SHC3: variants seen among roughly 807,000 people sequenced by gnomAD.
SHC3 encodes SHC adaptor protein 3, also known as SHC-transforming protein 3.
SHC3 carries 15 observed loss-of-function variants against 60.4 expected under a neutral mutation model. The ratio of observed to expected loss-of-function variants is 0.25; its 90% confidence interval spans 0.17 to 0.38. The LOEUF is 0.38. Ranked by LOEUF, SHC3 falls within the 10% of genes least tolerant of loss-of-function variation. The probability of loss-of-function intolerance (pLI) is 1.00; values close to 1 mark genes in which losing one functional copy is unlikely to be tolerated. For missense variants in SHC3, 677 were observed against 786.1 expected (o/e 0.86, Z 1.66); for synonymous variants, 294 against 325.9 (o/e 0.90, Z 1.05).
At chr9:89,078,900 T>G (rs997292190) in intron 2 of SHC3, among the ~76,000 whole-genome samples, 20 of 152,226 alleles carry the variant, frequency 1.3e-4, no homozygotes, top group African/African-American at 4.6e-4. Flanking sequence ...AGAAACATTC[T>G]ATAAACTTTC....
intron 2 of SHC3, among the ~76,000 whole-genome samples, chr9:89,084,594 G>A (rs1825498621): frequency 1.3e-5 from 2 of 152,342 alleles, no homozygotes; most frequent in South Asian, 2.1e-4. Context: ...TCACTGGACA[G>A]ATCAGAGACT....
In SHC3 at chr9:89,008,503, G is replaced by A. The variant is rs1320574685; in HGVS notation, c.*4944C>T. ...CCCCACTCCAGACCTAGGGAGTCAG[G>A]AACTTGGCGGGGCCAGGGGGGTGGA... On this transcript the variant is annotated 3_prime_UTR_variant, in exon 12 of 12. Transcript: ENST00000375835. 3 of 152,146 alleles carry A rather than the reference G, an allele frequency of 2.0e-5. No homozygotes were observed. Among genetic ancestry groups the A allele is most frequent in the Non-Finnish European group, 2.9e-5 (2 of 68,036 alleles). 9.4% of individuals were successfully genotyped at this position (152,146 alleles called of 1,614,324 possible). A position where few individuals can be genotyped will look rare whatever the true frequency, so the allele number is the denominator to read the frequency against.
chr9:89,064,733 T>C (rs1269506459), intron 6 of SHC3, among the ~76,000 whole-genome samples: 11 of 152,086 alleles, frequency 7.2e-5, no homozygotes, highest in African/African-American at 4.8e-5. Flanking sequence ...AGGTATAGCA[T>C]TGGAGGGTAA....
At chr9:89,067,530 G>T (rs1378377654) in intron 5 of SHC3, among the ~76,000 whole-genome samples, 1 of 152,168 alleles carries the variant, frequency 6.6e-6, no homozygotes, top group African/African-American at 2.4e-5. Flanking sequence ...GGTTTTCAAA[G>T]AATTAGAAAG....
intron 1 of SHC3, among the ~76,000 whole-genome samples, chr9:89,166,046 C>T (rs12343625): frequency 0.098 from 14,990 of 152,222 alleles, 861 homozygotes; most frequent in Admixed American, 0.15. Context: ...CCTCACACCC[C>T]GTCTGGTTCC....
chr9:89,053,472 G>A lies in SHC3; in HGVS notation c.836-1309C>T, dbSNP rs41509545. Among the ~76,000 whole-genome samples the A allele has an allele frequency of 5.4e-3, 829 of 152,256 alleles. 6 individuals carry two copies. Among genetic ancestry groups the A allele is most frequent in the African/African-American group, 0.019 (790 of 41,556 alleles). On this transcript the variant is annotated intron_variant, in intron 6 of 11. Coordinates refer to ENST00000375835, the MANE Select transcript of SHC3 (RefSeq NM_016848.6). ...AGTGTGGAGCCTCTCAGCATAATAC[G>A]GCACTGGGACTTTACCCCGGAGGCA...
intron 1 of SHC3, among the ~76,000 whole-genome samples, chr9:89,152,393 T>C (rs1826557779): frequency 6.6e-6 from 1 of 152,232 alleles, no homozygotes. Context: ...TCAAGCAAAA[T>C]TCTGCTCCAG....
Position 89,112,696 on chromosome 9 carries a change from A to C in SHC3, c.475-70T>G, listed in dbSNP as rs1444286094. 2.1e-6 allele frequency: 3 copies of C among 1,398,920 alleles called. No homozygotes were observed. In the African/African-American group the frequency reaches 4.5e-5, roughly 21 times the overall value. The allele number at this position is 1,398,920 out of a possible 1,614,324, so 86.7% of individuals were successfully genotyped here. A position where few individuals can be genotyped will look rare whatever the true frequency, so the allele number is the denominator to read the frequency against. ...TAAAGAGACAACTCCTAACTATACA[A>C]GGGCATTTTTGGGAGCCATACACAT... On this transcript the variant is annotated intron_variant, in intron 1 of 11. Transcript: ENST00000375835.
At chr9:89,155,088 A>T (rs1826603319) in intron 1 of SHC3, among the ~76,000 whole-genome samples, 1 of 152,162 alleles carries the variant, frequency 6.6e-6, no homozygotes, top group African/African-American at 2.4e-5. Flanking sequence ...CACCCCACAA[A>T]AAAGACTGCT....
chr9:89,036,465 G>C (rs1824579866), intron 11 of SHC3, among the ~76,000 whole-genome samples: 1 of 152,188 alleles, frequency 6.6e-6, no homozygotes, highest in East Asian at 1.9e-4. Flanking sequence ...CGTGTACCCT[G>C]TGACCAAAAC....
At chr9:89,026,193 G>T (rs1412166206) in intron 11 of SHC3, among the ~76,000 whole-genome samples, 2 of 146,650 alleles carry the variant, frequency 1.4e-5, no homozygotes, top group Admixed American at 1.4e-4. Flanking sequence ...GGTGGAGGTT[G>T]CAGTGAGCTG....
intron 11 of SHC3, among the ~76,000 whole-genome samples, chr9:89,020,249 G>A (rs1826176302): frequency 6.6e-6 from 1 of 151,832 alleles, no homozygotes; most frequent in Non-Finnish European, 1.5e-5. Flanking sequence ...GTGAAAGAGG[G>A]AGAGGTGACA....
intron 6 of SHC3, among the ~76,000 whole-genome samples, chr9:89,059,617 GGTGGTGGAGGAC>G (rs1157544930): frequency 5.0e-5 from 7 of 140,202 alleles, no homozygotes; most frequent in Admixed American, 7.1e-5. Flanking sequence ...GGTGCAGGGC[GGTGGTGGAGGAC>G]GTGGTGGAGG....
intron 10 of SHC3, among the ~76,000 whole-genome samples, chr9:89,040,077 G>T (rs1824651854): frequency 7.8e-6 from 1 of 128,500 alleles, no homozygotes. Context: ...CACCACCTTT[G>T]CCACCAGCAC....
intron 1 of SHC3, among the ~76,000 whole-genome samples, chr9:89,140,343 C>G (rs571665157): frequency 7.9e-5 from 12 of 152,106 alleles, no homozygotes; most frequent in Middle Eastern, 3.4e-3. Context: ...ATTCCCCCCC[C>G]CAGATTAAGG....
chr9:89,135,946 C>T (rs1826312710), intron 1 of SHC3, among the ~76,000 whole-genome samples: 1 of 152,090 alleles, frequency 6.6e-6, no homozygotes, highest in African/African-American at 2.4e-5. Context: ...ATATTGCTGT[C>T]GTACTCCTTG....
intron 2 of SHC3, among the ~76,000 whole-genome samples, chr9:89,089,446 A>G (rs1263266243): frequency 6.6e-6 from 1 of 152,140 alleles, no homozygotes; most frequent in East Asian, 1.9e-4. Context: ...CCTGGGGCAG[A>G]GTGTCCAGCT....
At chr9:89,130,735 A>T (rs1826232443) in intron 1 of SHC3, among the ~76,000 whole-genome samples, 1 of 152,234 alleles carries the variant, frequency 6.6e-6, no homozygotes. Context: ...AAGACGCAAC[A>T]TACCAGAATC....
At position 89,013,141 on chromosome 9, in the gene SHC3, C is replaced by CTT. The variant is rs143714581; in HGVS notation, c.*304_*305dup. On this transcript the variant is annotated 3_prime_UTR_variant, in exon 12 of 12. Transcript: ENST00000375835. ...TTTTGCCTGGACAACTACAGTTAAA[C>CTT]TTATTTTTTTTTTTCATTAAAAACA... 1,455 of 168,252 alleles carry CTT rather than the reference C, an allele frequency of 8.6e-3. 29 individuals are homozygous for CTT. The East Asian group carries it at 0.089, about 10-fold the overall frequency. The allele number at this position is 168,252 out of a possible 1,614,324, so 10.4% of individuals were successfully genotyped here. A position where few individuals can be genotyped will look rare whatever the true frequency, so the allele number is the denominator to read the frequency against.
Sources: allele counts gnomAD v4.1 joint callset (sites outside exome capture counted in the v4.1 genomes callset), GRCh38; gene constraint gnomAD v4.1.1; transcripts MANE v1.5; gene names NCBI Gene and HGNC (gene_info 2026-07-23, HGNC 2026-07-21).